The following HMCN1 variants were observed in gnomAD, a reference collection of about 807,000 sequenced individuals.
The protein encoded by HMCN1 is hemicentin-1.
A neutral mutation model predicts 625.9 loss-of-function variants in HMCN1; 321 were observed. That is an observed-to-expected ratio of 0.51 (90% CI 0.47 to 0.56). HMCN1 has a LOEUF of 0.56. Among genes scored for constraint, HMCN1 ranks in the 20% least tolerant of loss-of-function variants. The pLI, the probability that HMCN1 is intolerant of heterozygous loss-of-function variation, is 0.00. For synonymous variants in HMCN1, 2,425 were observed against 2,417.6 expected (o/e 1.00, Z -0.09); for missense variants, 6,588 against 6,887.3 (o/e 0.96, Z 1.54).
chr1:185,997,766 C>T (rs745909059), intron 25 of HMCN1, among the ~76,000 whole-genome samples: 4 of 151,040 alleles, frequency 2.6e-5, no homozygotes, highest in Non-Finnish European at 5.9e-5. Flanking sequence ...CCTAGTCTCA[C>T]ATGTTTTCCA....
At chr1:185,978,768 C>T (rs558328528) in intron 16 of HMCN1, among the ~76,000 whole-genome samples, 1 of 152,122 alleles carries the variant, frequency 6.6e-6, no homozygotes, top group Non-Finnish European at 1.5e-5. Flanking sequence ...GCAAACTCCA[C>T]CTCACAGGTT....
rs960017672 is a variant in HMCN1 at position 185,990,459 on chromosome 1, T to C, written c.3377+16T>C. Reference sequence around the variant, plus strand: ...TCTCTCCAAGGTAGGAGATCTGGGATGAATTGCAACACATGAAAACATAAT... The same window carrying C: ...TCTCTCCAAGGTAGGAGATCTGGGACGAATTGCAACACATGAAAACATAAT... On this transcript the variant is annotated intron_variant, in intron 22 of 106. Transcript: ENST00000271588. 16 of 1,612,190 alleles carry C rather than the reference T, an allele frequency of 9.9e-6. No individual in the cohort carries two copies. The African/African-American group carries it at 2.0e-4, about 20-fold the overall frequency.
chr1:186,065,087 A>G, intron 48 of HMCN1, 151 bp from the exon 49 acceptor site: 1 of 608,674 alleles, frequency 1.6e-6, no homozygotes, highest in Non-Finnish European at 2.9e-6. Flanking sequence ...AAAATAAGTT[A>G]GCTTGCATAG....
At chr1:186,116,823 A>T (rs753545580) in intron 75 of HMCN1, among the ~76,000 whole-genome samples, 171 bp from the exon 76 acceptor site, 5 of 152,192 alleles carry the variant, frequency 3.3e-5, no homozygotes, top group Non-Finnish European at 5.9e-5. Flanking sequence ...CCACTGCCAT[A>T]CAAACATAAA....
chr1:185,805,823 A>G (rs1659136797), intron 1 of HMCN1, among the ~76,000 whole-genome samples: 1 of 152,134 alleles, frequency 6.6e-6, no homozygotes, highest in Non-Finnish European at 1.5e-5. Flanking sequence ...CTGCTCCTAT[A>G]TTGGTAGAGT....
chr1:185,896,541 ACT>A (rs2102423908), intron 4 of HMCN1, among the ~76,000 whole-genome samples: 1 of 152,340 alleles, frequency 6.6e-6, no homozygotes, highest in East Asian at 1.9e-4. Flanking sequence ...AGAATTTATT[ACT>A]GTTATGATAA....
Position 186,005,148 on chromosome 1 carries a change from T to C in HMCN1, c.4475+1304T>C, listed in dbSNP as rs543712745. Among the ~76,000 whole-genome samples the C allele has an allele frequency of 1.2e-3, 175 of 149,598 alleles. 1 individual carries two copies. The highest frequency in any genetic ancestry group is 2.2e-3 in the East Asian group (11 of 5,038). ...AAACAATTTTTTAATTGTTTATAAA[T>C]GTTTATAAACAATTTTTTAATTGTT... On this transcript the variant is annotated intron_variant, in intron 29 of 106. Transcript: ENST00000271588.
chr1:185,781,044 C>A (rs1223534851), intron 1 of HMCN1, among the ~76,000 whole-genome samples: 2 of 152,108 alleles, frequency 1.3e-5, no homozygotes, highest in Non-Finnish European at 2.9e-5. Context: ...TTGGTCTATT[C>A]AGAGATTCAA....
intron 75 of HMCN1, 69 bp downstream of exon 75, chr1:186,115,483 A>C: frequency 7.0e-7 from 1 of 1,418,848 alleles, no homozygotes; most frequent in South Asian, 1.2e-5. Flanking sequence ...TTTTAATTCT[A>C]TCAGTGGGGT....
At position 185,990,435 on chromosome 1, in the gene HMCN1, C is replaced by T. The variant is rs141284258; in HGVS notation, c.3369C>T (p.Phe1123=). The stretch of plus-strand genomic sequence containing the variant: ...AAGAAACCCAGCTCATCTCACCGTT[C>T]TCTCCAAGGTAGGAGATCTGGGATG... The part of the protein sequence containing the change: ...WAKETQLISP[F]SPRHTFLPSG... The change falls in exon 22 of 107, where the codon TTC becomes TTT. Residue 1123 remains phenylalanine (F), a synonymous_variant. Coordinates refer to ENST00000271588, the MANE Select transcript of HMCN1 (RefSeq NM_031935.3). The T allele has an allele frequency of 8.1e-6, 13 of 1,613,792 alleles. No homozygotes were observed. The highest frequency in any genetic ancestry group is 1.7e-5 in the Admixed American group (1 of 60,002).
intron 1 of HMCN1, among the ~76,000 whole-genome samples, chr1:185,786,100 C>G (rs2102188150): frequency 6.6e-6 from 1 of 152,270 alleles, no homozygotes; most frequent in Middle Eastern, 3.4e-3. Context: ...AAAAAGATGT[C>G]TGTAAGACAT....
Position 186,076,478 on chromosome 1 carries a change from G to A in HMCN1, c.8341G>A (p.Gly2781Ser), listed in dbSNP as rs374112138. The change falls in exon 54 of 107, where the codon GGC (glycine) becomes AGC (serine). Residue 2781 changes from glycine (G) to serine (S), a missense_variant. Coordinates refer to ENST00000271588, the MANE Select transcript of HMCN1 (RefSeq NM_031935.3). Reference protein sequence around the residue: ...LWEIGNMLDTGRNGEAKDVII... With the variant: ...LWEIGNMLDTSRNGEAKDVII... ...GGAAATAGGAAACATGCTAGATACT[G>A]GCAGGAATGGTGAAGCCAAAGATGT... The A allele has an allele frequency of 8.1e-6, 13 of 1,613,688 alleles. No homozygotes were observed. The Admixed American group carries it at 2.0e-4, about 25-fold the overall frequency.
Position 186,078,165 on chromosome 1 carries a change from T to A in HMCN1, c.8544T>A (p.Cys2848Ter). The A allele has an allele frequency of 6.2e-7, 1 of 1,613,878 alleles. No individual in the cohort carries two copies. The highest frequency in any genetic ancestry group is 8.5e-7 in the Non-Finnish European group (1 of 1,179,896). The change falls in exon 55 of 107, where the codon TGT (cysteine) becomes TGA (stop). Residue 2848 changes from cysteine to a stop codon, truncating the protein, a stop_gained. Coordinates refer to ENST00000271588, the MANE Select transcript of HMCN1 (RefSeq NM_031935.3). LOFTEE classifies it high-confidence loss of function. ...TAGAAGATGCTGGGAGATACACATGTGTGGCTGTGAATGAGGCTGGAGAAG... is the reference window on the plus strand; with the variant it reads ...TAGAAGATGCTGGGAGATACACATGAGTGGCTGTGAATGAGGCTGGAGAAG... ...AKVEDAGRYT[C>*]VAVNEAGEDS...
rs1314888754 is a variant in HMCN1, at chr1:186,153,830, C to T, written c.15099C>T (p.Ile5033=). ...CCCGGCTGTTCACCATTGATGGCAT[C>T]AGCATCCCATACACATGGAACCACA... The part of the protein sequence containing the change: ...YSTRLFTIDG[I]SIPYTWNHTV... The change falls in exon 97 of 107, where the codon ATC becomes ATT. Residue 5033 remains isoleucine (I), a synonymous_variant. Coordinates refer to ENST00000271588, the MANE Select transcript of HMCN1 (RefSeq NM_031935.3). The T allele has an allele frequency of 1.2e-6, 2 of 1,614,166 alleles. No homozygotes were observed. Among genetic ancestry groups the T allele is most frequent in the African/African-American group, 2.7e-5 (2 of 75,048 alleles).
chr1:185,851,549 T>C (rs1057474969), intron 2 of HMCN1, among the ~76,000 whole-genome samples: 2 of 152,152 alleles, frequency 1.3e-5, no homozygotes, highest in Non-Finnish European at 2.9e-5. Context: ...TGAAAACAAC[T>C]GTGCTTTCTC....
At chr1:185,954,522 A>C (rs1300438847) in intron 11 of HMCN1, among the ~76,000 whole-genome samples, 1 of 152,112 alleles carries the variant, frequency 6.6e-6, no homozygotes, top group African/African-American at 2.4e-5. Flanking sequence ...GCTTTTTTCC[A>C]AAAGGTAAGG....
At chr1:186,031,874 T>C (rs1655463488) in intron 36 of HMCN1, among the ~76,000 whole-genome samples, 1 of 152,138 alleles carries the variant, frequency 6.6e-6, no homozygotes, top group Non-Finnish European at 1.5e-5. Flanking sequence ...TATTTAGTGA[T>C]AATTCAGCTA....
chr1:185,803,378 A>C (rs1658953554), intron 1 of HMCN1, among the ~76,000 whole-genome samples: 1 of 152,008 alleles, frequency 6.6e-6, no homozygotes, highest in Non-Finnish European at 1.5e-5. Context: ...CTTTCATCAT[A>C]GTAACTTAAG....
intron 11 of HMCN1, among the ~76,000 whole-genome samples, chr1:185,941,899 A>G (rs1428151876): frequency 1.3e-5 from 2 of 152,206 alleles, no homozygotes; most frequent in Non-Finnish European, 2.9e-5. Context: ...TAGATTATAA[A>G]AGACAAAAAA....
Sources: gnomAD v4.1 joint callset for allele counts (sites outside exome capture counted in the v4.1 genomes callset) on GRCh38, gnomAD v4.1.1 for gene constraint, MANE v1.5 for transcripts, NCBI Gene and HGNC (gene_info 2026-07-23, HGNC 2026-07-21) for gene names.